SEM1: variants seen among roughly 807,000 people sequenced by gnomAD.
SEM1 encodes 26S proteasome complex subunit SEM1.
SEM1 carries 3 observed loss-of-function variants against 12.7 expected under a neutral mutation model. That is an observed-to-expected ratio of 0.24 (90% CI 0.11 to 0.61). The LOEUF (loss-of-function observed/expected upper bound fraction) is 0.61, where lower values mean the gene tolerates loss of function less well. SEM1 is among the 20% of genes least tolerant of loss of function. The probability of loss-of-function intolerance (pLI) is 0.88; values close to 1 mark genes in which losing one functional copy is unlikely to be tolerated. For synonymous variants in SEM1, 30 were observed against 27.8 expected (o/e 1.08, Z -0.25); for missense variants, 59 against 81.3 (o/e 0.73, Z 1.06).
At chr7:96,499,687 A>G (rs1803442896), upstream of SEM1, among the ~76,000 whole-genome samples, 1 of 152,176 alleles carries the variant, frequency 6.6e-6, no homozygotes, top group East Asian at 1.9e-4. Flanking sequence ...TTCCAACTCC[A>G]CCACAGAAAA....
downstream of SEM1, among the ~76,000 whole-genome samples, chr7:96,669,106 T>C (rs1409766081): frequency 2.6e-5 from 4 of 152,184 alleles, no homozygotes; most frequent in Non-Finnish European, 4.4e-5. Flanking sequence ...TCCAGAAGCA[T>C]GCAGCAATAA....
rs577373154 is a variant in SEM1, at chr7:96,517,563, G to A, written c.171-10865C>T. ...AGCACATATGTCTATAATCACTAGC[G>A]AGATGGGGAAACTTCATATTTCTGG... On this transcript the variant is annotated intron_variant and NMD_transcript_variant, in intron 2 of 3. Transcript: ENST00000466986. 8.5e-5 allele frequency among the ~76,000 whole-genome samples: 13 copies of A among 152,172 alleles called. No individual in the cohort carries two copies. The South Asian group carries it at 1.9e-3, about 22-fold the overall frequency.
At chr7:96,635,649 G>C (rs1808406189) in intron 2 of SEM1, among the ~76,000 whole-genome samples, 1 of 151,878 alleles carries the variant, frequency 6.6e-6, no homozygotes, top group Non-Finnish European at 1.5e-5. Flanking sequence ...AAAATAGAGA[G>C]CACTACCTAG....
chr7:96,692,655 G>A (rs1012269119), intron 2 of SEM1, among the ~76,000 whole-genome samples: 14 of 151,996 alleles, frequency 9.2e-5, no homozygotes, highest in African/African-American at 3.4e-4. Flanking sequence ...AGAACAGAAG[G>A]GGCTTCTAAG....
chr7:96,586,470 A>T lies in SEM1; in HGVS notation c.171-79772T>A, dbSNP rs188173855. On this transcript the variant is annotated intron_variant and NMD_transcript_variant, in intron 2 of 3. Transcript: ENST00000466986. Reference sequence around the variant, plus strand: ...AGCCATAACTGCTGCTAGCCATTAGACTACAAAGTTCTTTACACATGTAAT... The same window carrying T: ...AGCCATAACTGCTGCTAGCCATTAGTCTACAAAGTTCTTTACACATGTAAT... 2.6e-5 allele frequency among the ~76,000 whole-genome samples: 4 copies of T among 152,324 alleles called. No homozygotes were observed. In the East Asian group the frequency reaches 7.7e-4, roughly 29 times the overall value.
intron 2 of SEM1, among the ~76,000 whole-genome samples, chr7:96,615,239 ATCTTTTTTTTTT>A (rs900696517): frequency 3.1e-5 from 3 of 98,142 alleles, no homozygotes; most frequent in Admixed American, 1.3e-4. Flanking sequence ...TTTTTGAGTC[ATCTTTTTTTTTT>A]TTTTTTTTTT....
At chr7:96,615,241 C>CTTTTTTTTTTCTTTTTTTTTTTTT (rs1807676420) in intron 2 of SEM1, among the ~76,000 whole-genome samples, 1 of 126,416 alleles carries the variant, frequency 7.9e-6, no homozygotes, top group African/African-American at 3.2e-5. Flanking sequence ...TTTGAGTCAT[C>CTTTTTTTTTTCTTTTTTTTTTTTT]TTTTTTTTTT....
At chr7:96,683,985 T>C (rs145147069), downstream of SEM1, among the ~76,000 whole-genome samples, 545 of 152,028 alleles carry the variant, frequency 3.6e-3, 3 homozygotes, top group African/African-American at 0.013. Context: ...TGTAACAAAC[T>C]TGCACATTCT....
At chr7:96,523,864 T>G (rs1409690826) in intron 2 of SEM1, among the ~76,000 whole-genome samples, 1 of 152,134 alleles carries the variant, frequency 6.6e-6, no homozygotes, top group Non-Finnish European at 1.5e-5. Flanking sequence ...ATTTCTCCTA[T>G]TATTTCTCTT....
At chr7:96,560,034 G>A (rs1257979204) in intron 2 of SEM1, among the ~76,000 whole-genome samples, 1 of 152,186 alleles carries the variant, frequency 6.6e-6, no homozygotes, top group Non-Finnish European at 1.5e-5. Context: ...GAATTTGTTT[G>A]TTACAGCAGC....
intron 2 of SEM1, among the ~76,000 whole-genome samples, chr7:96,560,232 T>C (rs891361290): frequency 6.6e-6 from 1 of 152,232 alleles, no homozygotes; most frequent in Non-Finnish European, 1.5e-5. Context: ...ATACACACTT[T>C]AACTTCTGAT....
chr7:96,702,239 T>C (rs1790295365), intron 1 of SEM1, among the ~76,000 whole-genome samples: 1 of 151,724 alleles, frequency 6.6e-6, no homozygotes, highest in African/African-American at 2.4e-5. Flanking sequence ...TGTGAACCCA[T>C]GGTTTTATAC....
chr7:96,686,881 C>T (rs1162626685), downstream of SEM1, among the ~76,000 whole-genome samples: 1 of 152,042 alleles, frequency 6.6e-6, no homozygotes, highest in African/African-American at 2.4e-5. Context: ...ATTTTTGCAA[C>T]CTACTCATCT....
At chr7:96,639,441 C>T (rs1421385500) in intron 2 of SEM1, among the ~76,000 whole-genome samples, 2 of 151,872 alleles carry the variant, frequency 1.3e-5, no homozygotes, top group Non-Finnish European at 2.9e-5. Context: ...AAAATATATT[C>T]ACCTGATATT....
chr7:96,493,730 G>A (rs748441518), intron 1 of SEM1, among the ~76,000 whole-genome samples: 1 of 152,070 alleles, frequency 6.6e-6, no homozygotes, highest in Non-Finnish European at 1.5e-5. Context: ...TCTCATCTGT[G>A]CAACACTATT....
At chr7:96,536,630 T>A (rs1313033221) in intron 2 of SEM1, among the ~76,000 whole-genome samples, 4 of 151,832 alleles carry the variant, frequency 2.6e-5, no homozygotes, top group Non-Finnish European at 5.9e-5. Context: ...GATTGTTATA[T>A]CTTCTTAGAG....
chr7:96,499,053 T>A (rs1441641765), upstream of SEM1, among the ~76,000 whole-genome samples: 1 of 152,200 alleles, frequency 6.6e-6, no homozygotes, highest in African/African-American at 2.4e-5. Flanking sequence ...CCAAAATGTC[T>A]TAATACTCTG....
intron 2 of SEM1, among the ~76,000 whole-genome samples, chr7:96,586,424 C>T (rs1404792731): frequency 6.6e-6 from 1 of 152,130 alleles, no homozygotes; most frequent in Non-Finnish European, 1.5e-5. Flanking sequence ...CCTGTCAGTT[C>T]GTTCCCTCCT....
intron 2 of SEM1, among the ~76,000 whole-genome samples, chr7:96,540,315 C>T (rs1481058175): frequency 6.6e-6 from 1 of 151,436 alleles, no homozygotes; most frequent in African/African-American, 2.4e-5. Context: ...TCACACAATA[C>T]ACAAAAATAA....
Sources: allele counts gnomAD v4.1 joint callset (sites outside exome capture counted in the v4.1 genomes callset), GRCh38; gene constraint gnomAD v4.1.1; transcripts MANE v1.5; gene names NCBI Gene and HGNC (gene_info 2026-07-23, HGNC 2026-07-21).